Variants in SNX2 observed in about 807,000 individuals in gnomAD.
SNX2 encodes the protein sorting nexin-2.
Under a neutral mutation model 69.9 loss-of-function variants are expected in SNX2, and 25 were observed. The observed-to-expected ratio is 0.36, with a 90% confidence interval of 0.26 to 0.50. The LOEUF (loss-of-function observed/expected upper bound fraction) is 0.50. SNX2 is among the 20% of genes least tolerant of loss of function. SNX2 has a pLI of 0.97. For synonymous variants in SNX2, 229 were observed against 200.4 expected (o/e 1.14, Z -1.20); for missense variants, 551 against 613.3 (o/e 0.90, Z 1.07).
intron 1 of SNX2, among the ~76,000 whole-genome samples, chr5:122,779,827 A>C (rs151193734): frequency 0.015 from 2,272 of 152,156 alleles, 23 homozygotes; most frequent in Non-Finnish European, 0.019. Flanking sequence ...TGCTGCTCCT[A>C]TCAACCCATC....
At position 122,833,563 on chromosome 5, in the gene SNX2, G is replaced by A. The variant is rs974186302; in HGVS notation, c.*3915G>A. 4 of 151,906 alleles carry A rather than the reference G, an allele frequency of 2.6e-5. No homozygotes were observed. The highest frequency in any genetic ancestry group is 1.9e-4 in the East Asian group (1 of 5,188). The allele number at this position is 151,906 out of a possible 1,614,324, so 9.4% of individuals were successfully genotyped here. A position where few individuals can be genotyped will look rare whatever the true frequency, so the allele number is the denominator to read the frequency against. On this transcript the variant is annotated 3_prime_UTR_variant, in exon 15 of 15. Transcript: ENST00000379516. ...CTTTCATCACATCTCCATTCAGACC[G>A]GCTACAATTTGATCAGTTGTCACAT...
At chr5:122,779,738 T>C (rs1042466627) in intron 1 of SNX2, among the ~76,000 whole-genome samples, 1 of 152,046 alleles carries the variant, frequency 6.6e-6, no homozygotes, top group Non-Finnish European at 1.5e-5. Flanking sequence ...TTTAAAAAAT[T>C]ATTTTATTTT....
At chr5:122,782,566 C>T (rs1379806809) in intron 1 of SNX2, among the ~76,000 whole-genome samples, 17 of 149,688 alleles carry the variant, frequency 1.1e-4, no homozygotes, top group South Asian at 2.1e-4. Flanking sequence ...GATGGAGTCT[C>T]ACTCTGCTGC....
chr5:122,775,576 T>G, intron 1 of SNX2: 1 of 999,612 alleles, frequency 1.0e-6, no homozygotes, highest in Non-Finnish European at 1.2e-6. Flanking sequence ...CACCGAGCTC[T>G]TTTGAAGGGG....
At chr5:122,810,216 G>A (rs1044547810) in intron 7 of SNX2, among the ~76,000 whole-genome samples, 2 of 150,760 alleles carry the variant, frequency 1.3e-5, no homozygotes, top group African/African-American at 2.5e-5. Flanking sequence ...TGCTCGTTAA[G>A]AGTCATCACC....
rs1229564737 is a variant in SNX2, at chr5:122,831,571, A to T, written c.*1923A>T. On this transcript the variant is annotated 3_prime_UTR_variant, in exon 15 of 15. Transcript: ENST00000379516. Reference sequence around the variant, plus strand: ...AAGAAACTGAAGCAGAAATAGTACAATCATCTTTTGTTGCTTCTGGGAATA... The same window carrying T: ...AAGAAACTGAAGCAGAAATAGTACATTCATCTTTTGTTGCTTCTGGGAATA... Among the ~76,000 whole-genome samples the T allele has an allele frequency of 6.6e-6, 1 of 152,202 alleles. No individual in the cohort carries two copies. The highest frequency in any genetic ancestry group is 2.4e-5 in the African/African-American group (1 of 41,464).
chr5:122,789,072 A>AT (rs1185374545), intron 1 of SNX2, among the ~76,000 whole-genome samples: 2 of 151,886 alleles, frequency 1.3e-5, no homozygotes, highest in African/African-American at 4.8e-5. Context: ...TTTTTTGTTT[A>AT]TTTTTTTGTT....
intron 1 of SNX2, among the ~76,000 whole-genome samples, chr5:122,779,218 T>C (rs1581621069): frequency 6.6e-6 from 1 of 152,346 alleles, no homozygotes; most frequent in East Asian, 1.9e-4. Context: ...TAATGGTTTC[T>C]AGTGTATTCA....
Position 122,828,676 on chromosome 5 carries a change from T to A in SNX2, c.1510-922T>A, listed in dbSNP as rs371927027. ...TGGTAACACTGTTCTGTGTAAAATT[T>A]TGCATAAAACAAAAAATTGTACATT... On this transcript the variant is annotated intron_variant, in intron 14 of 14. Coordinates refer to ENST00000379516, the MANE Select transcript of SNX2 (RefSeq NM_003100.4). Among the ~76,000 whole-genome samples, 21 of 152,302 alleles carry A rather than the reference T, an allele frequency of 1.4e-4. 3 individuals carry two copies. Among genetic ancestry groups the A allele is most frequent in the East Asian group, 3.9e-4 (2 of 5,190 alleles).
At chr5:122,824,442 C>T (rs965490150) in intron 11 of SNX2, among the ~76,000 whole-genome samples, 10 of 152,010 alleles carry the variant, frequency 6.6e-5, no homozygotes, top group Admixed American at 3.3e-4. Context: ...TTAGGAAAAA[C>T]GTGGTATTTT....
At chr5:122,775,708 C>G in intron 1 of SNX2, 1 of 985,838 alleles carries the variant, frequency 1.0e-6, no homozygotes, top group Non-Finnish European at 1.2e-6. Flanking sequence ...AATGGCCCTT[C>G]ACGGACTGCT....
intron 2 of SNX2, among the ~76,000 whole-genome samples, chr5:122,798,355 A>G (rs999757998): frequency 5.3e-5 from 8 of 152,090 alleles, no homozygotes; most frequent in African/African-American, 1.7e-4. Context: ...ATTTTTAGTT[A>G]TTGATCATTT....
intron 11 of SNX2, 70 bp from the exon 12 acceptor site, chr5:122,825,980 A>G (rs1403688024): frequency 7.0e-7 from 1 of 1,419,542 alleles, no homozygotes; most frequent in African/African-American, 1.4e-5. Flanking sequence ...CAGTATTATA[A>G]CACTTCTAGT....
At chr5:122,803,348 A>T (rs192091709) in intron 5 of SNX2, 124 bp from the exon 6 acceptor site, 2 of 819,680 alleles carry the variant, frequency 2.4e-6, no homozygotes, top group Non-Finnish European at 3.7e-6. Context: ...ATACCACATT[A>T]GTTAGATACT....
At chr5:122,780,610 C>T in intron 1 of SNX2, among the ~76,000 whole-genome samples, 1 of 145,358 alleles carries the variant, frequency 6.9e-6, no homozygotes, top group Admixed American at 7.1e-5. Context: ...CTTGCGCTGT[C>T]CCAGGCTGGA....
In SNX2 at chr5:122,817,310, A is replaced by T. The variant is rs1340739949; in HGVS notation, c.943A>T (p.Asn315Tyr). 3 of 1,613,860 alleles carry T rather than the reference A, an allele frequency of 1.9e-6. No individual in the cohort carries two copies. The highest frequency in any genetic ancestry group is 2.5e-6 in the Non-Finnish European group (3 of 1,179,936). ...TGAAGAAAAGCAGCAGCAATTTGAGAATCTGGATCAGCAACTTAGGAAACT... is the reference window on the plus strand; with the variant it reads ...TGAAGAAAAGCAGCAGCAATTTGAGTATCTGGATCAGCAACTTAGGAAACT... ...WFEEKQQQFE[N>Y]LDQQLRKLHV... Residue 315 changes from asparagine to tyrosine, a missense_variant, in exon 10 of 15, where the codon AAT becomes TAT. By Grantham distance (143) the Asn-to-Tyr change is moderately radical. Around this residue, in one of 2 missense-constraint regions of SNX2, gnomAD observed 360 missense variants for 450.4 expected, o/e 0.80. Transcript: ENST00000379516.
In SNX2 at chr5:122,804,096, G is replaced by A. The variant is rs146645736; in HGVS notation, c.643+483G>A. On this transcript the variant is annotated intron_variant, in intron 6 of 14. Transcript: ENST00000379516. ...GGAGGTTGCAGTGAGCTGAGATCAC[G>A]CCTGGGCAACAGAGTGAGACTCCGT... is the stretch of plus-strand genomic sequence containing the variant. 6.6e-5 allele frequency among the ~76,000 whole-genome samples: 10 copies of A among 151,792 alleles called. No individual in the cohort carries two copies. In the East Asian group the frequency reaches 1.6e-3, roughly 24 times the overall value.
At position 122,799,720 on chromosome 5, in the gene SNX2, C is replaced by T; in HGVS notation, c.255C>T (p.Ser85=). The change falls in exon 3 of 15, where the codon AGC becomes AGT. Residue 85 remains serine (S), a synonymous_variant. Coordinates refer to ENST00000379516, the MANE Select transcript of SNX2 (RefSeq NM_003100.4). The part of the protein sequence containing the change: ...AEATEEVSLD[S]PEREPILSSE... The stretch of plus-strand genomic sequence containing the variant: ...CCACAGAAGAAGTTTCTTTGGACAG[C>T]CCTGAAAGGGAACCTATCCTATCCT... 7 of 1,613,436 alleles carry T rather than the reference C, an allele frequency of 4.3e-6. No homozygotes were observed. Among genetic ancestry groups the T allele is most frequent in the Non-Finnish European group, 5.9e-6 (7 of 1,179,610 alleles).
At chr5:122,792,511 C>T (rs549019380) in intron 1 of SNX2, among the ~76,000 whole-genome samples, 3 of 151,694 alleles carry the variant, frequency 2.0e-5, no homozygotes, top group South Asian at 2.1e-4. Flanking sequence ...GCAGGAGAAT[C>T]GCTTGAACCC....
Sources: gnomAD v4.1 joint callset for allele counts (sites outside exome capture counted in the v4.1 genomes callset) on GRCh38, gnomAD v4.1.1 for gene constraint, gnomAD v4.1.1 regional missense constraint, MANE v1.5 for transcripts, NCBI Gene and HGNC (gene_info 2026-07-23, HGNC 2026-07-21) for gene names.